Variants in TMEM163 observed in about 807,000 individuals in gnomAD.
The protein encoded by TMEM163 is transmembrane protein 163.
TMEM163 carries 17 observed loss-of-function variants against 29.3 expected under a neutral mutation model. That is an observed-to-expected ratio of 0.58 (90% CI 0.40 to 0.87). The LOEUF (loss-of-function observed/expected upper bound fraction) is 0.87, where lower values mean the gene tolerates loss of function less well. TMEM163 is among the 40% of genes least tolerant of loss of function. TMEM163 has a pLI of 0.00. For synonymous variants in TMEM163, 157 were observed against 160.6 expected (o/e 0.98, Z 0.17); for missense variants, 303 against 381.5 (o/e 0.79, Z 1.71).
intron 2 of TMEM163, among the ~76,000 whole-genome samples, chr2:134,661,925 CTTTCTTTTTTTT>C (rs1683760882): frequency 2.5e-5 from 2 of 79,064 alleles, no homozygotes; most frequent in South Asian, 3.5e-4. Context: ...CATTAATTTT[CTTTCTTTTTTTT>C]TTTTTTTTTT....
In TMEM163 at chr2:134,542,414, C is replaced by T. The variant is rs1680695434; in HGVS notation, c.458+8156G>A. 3.3e-5 allele frequency among the ~76,000 whole-genome samples: 5 copies of T among 152,118 alleles called. No individual in the cohort carries two copies. In the South Asian group the frequency reaches 8.3e-4, roughly 25 times the overall value. On this transcript the variant is annotated intron_variant, in intron 4 of 7. Coordinates refer to ENST00000281924, the MANE Select transcript of TMEM163 (RefSeq NM_030923.5). Reference sequence around the variant, plus strand: ...TTCTCAGGACCACATTAGCTTCGTACGGCTGCCACAATACAGCACTACAAA... The same window carrying T: ...TTCTCAGGACCACATTAGCTTCGTATGGCTGCCACAATACAGCACTACAAA...
At chr2:134,708,529 T>C (rs1684864854) in intron 2 of TMEM163, among the ~76,000 whole-genome samples, 3 of 152,012 alleles carry the variant, frequency 2.0e-5, no homozygotes, top group Middle Eastern at 6.8e-3. Context: ...TTTCTAGTTC[T>C]TAAATCTACA....
At chr2:134,676,489 T>A (rs1176751844) in intron 2 of TMEM163, among the ~76,000 whole-genome samples, 5 of 152,182 alleles carry the variant, frequency 3.3e-5, no homozygotes, top group African/African-American at 1.2e-4. Context: ...TTTTTTAACA[T>A]CTTTATTGAT....
At chr2:134,597,426 G>C (rs1682112014) in intron 2 of TMEM163, among the ~76,000 whole-genome samples, 3 of 152,134 alleles carry the variant, frequency 2.0e-5, no homozygotes, top group South Asian at 4.1e-4. Flanking sequence ...TTTTTGATTT[G>C]CGTATGTTGA....
chr2:134,601,671 C>T (rs1019441038), intron 2 of TMEM163, among the ~76,000 whole-genome samples: 4 of 152,106 alleles, frequency 2.6e-5, no homozygotes, highest in African/African-American at 9.7e-5. Context: ...TGTATGCAGC[C>T]GGCACTGTGT....
At position 134,718,741 on chromosome 2, in the gene TMEM163, C is replaced by G; in HGVS notation, c.195G>C (p.Glu65Asp). 8.7e-7 allele frequency: 1 copy of G among 1,155,736 alleles called. No homozygotes were observed. The highest frequency in any genetic ancestry group is 1.1e-6 in the Non-Finnish European group (1 of 939,474). The allele number at this position is 1,155,736 out of a possible 1,614,324, so 71.6% of individuals were successfully genotyped here. The stretch of plus-strand genomic sequence containing the variant: ...CGGGCAGCTCGCGCTCACCTCGGTC[C>G]TCCAGCCCGTCGCTGAACTGGCCGC... ...SESGQFSDGL[E>D]DRGLLESSTR... is the part of the protein sequence containing the mutation. The change falls in exon 1 of 8, where the codon GAG becomes GAC. Residue 65 changes from glutamate to aspartate, a missense_variant. Coordinates refer to ENST00000281924, the MANE Select transcript of TMEM163 (RefSeq NM_030923.5).
chr2:134,490,435 T>C (rs974056519), intron 5 of TMEM163, among the ~76,000 whole-genome samples: 8 of 152,096 alleles, frequency 5.3e-5, no homozygotes, highest in African/African-American at 1.9e-4. Flanking sequence ...CAACTGACCT[T>C]CACAAGCACC....
At chr2:134,616,953 TAAGG>T (rs942331185) in intron 2 of TMEM163, among the ~76,000 whole-genome samples, 17 of 152,158 alleles carry the variant, frequency 1.1e-4, no homozygotes, top group Non-Finnish European at 1.2e-4. Flanking sequence ...AAGGGAAGCT[TAAGG>T]AAAATGACTC....
At chr2:134,638,536 C>A (rs1395268762) in intron 2 of TMEM163, among the ~76,000 whole-genome samples, 1 of 152,076 alleles carries the variant, frequency 6.6e-6, no homozygotes, top group African/African-American at 2.4e-5. Context: ...GGAGAAAGAC[C>A]ATTTAGGAGG....
intron 5 of TMEM163, among the ~76,000 whole-genome samples, chr2:134,474,019 G>A (rs1840412): frequency 0.22 from 34,138 of 152,054 alleles, 7,793 homozygotes; most frequent in African/African-American, 0.56. Context: ...ATTTATTTCT[G>A]AGGCCAGCAT....
intron 4 of TMEM163, among the ~76,000 whole-genome samples, chr2:134,544,156 A>C (rs1356288310): frequency 2.6e-5 from 4 of 152,136 alleles, no homozygotes; most frequent in Non-Finnish European, 5.9e-5. Flanking sequence ...TGTGGCAAGC[A>C]TCCCATGGCC....
intron 4 of TMEM163, among the ~76,000 whole-genome samples, chr2:134,515,802 A>G (rs1282820362): frequency 6.6e-6 from 1 of 152,242 alleles, no homozygotes; most frequent in African/African-American, 2.4e-5. Context: ...CACTAAAGTA[A>G]TAATAGTAAG....
At chr2:134,481,798 A>G (rs1392574968) in intron 5 of TMEM163, among the ~76,000 whole-genome samples, 2 of 152,160 alleles carry the variant, frequency 1.3e-5, no homozygotes, top group Non-Finnish European at 2.9e-5. Context: ...TCAGAGTGAC[A>G]TGAGCTGAGA....
At position 134,567,944 on chromosome 2, in the gene TMEM163, C is replaced by T. The variant is rs1005767280; in HGVS notation, c.323-15853G>A. ...AAGGTCCACTTGGCTATATCGTCTC[C>T]TCTGTTAGGGGCTGAAAACCTATGT... On this transcript the variant is annotated intron_variant, in intron 2 of 7. Coordinates refer to ENST00000281924, the MANE Select transcript of TMEM163 (RefSeq NM_030923.5). 6.6e-5 allele frequency among the ~76,000 whole-genome samples: 10 copies of T among 152,210 alleles called. 1 individual carries two copies. Among genetic ancestry groups the T allele is most frequent in the Admixed American group, 4.6e-4 (7 of 15,284 alleles).
At chr2:134,575,256 A>G (rs915819227) in intron 2 of TMEM163, among the ~76,000 whole-genome samples, 6 of 152,240 alleles carry the variant, frequency 3.9e-5, no homozygotes, top group African/African-American at 1.4e-4. Flanking sequence ...TTGATTTTTC[A>G]TCTACAGAAT....
chr2:134,517,693 C>T (rs887570713), intron 4 of TMEM163, among the ~76,000 whole-genome samples: 1 of 152,202 alleles, frequency 6.6e-6, no homozygotes, highest in Non-Finnish European at 1.5e-5. Flanking sequence ...AAGTTAGCCA[C>T]TTTGACTTAA....
At chr2:134,668,991 C>T (rs1176367819) in intron 2 of TMEM163, among the ~76,000 whole-genome samples, 2 of 152,030 alleles carry the variant, frequency 1.3e-5, no homozygotes, top group Non-Finnish European at 2.9e-5. Flanking sequence ...TGAAAGAGAC[C>T]ACCGCCAAGG....
intron 2 of TMEM163, among the ~76,000 whole-genome samples, chr2:134,618,861 G>A (rs541682333): frequency 1.3e-3 from 193 of 152,214 alleles, no homozygotes; most frequent in Non-Finnish European, 2.2e-3. Context: ...CATGCTTAGA[G>A]GGAAATCTAT....
intron 6 of TMEM163, 60 bp downstream of exon 6, chr2:134,466,054 C>G: frequency 2.4e-6 from 3 of 1,260,462 alleles, no homozygotes; most frequent in South Asian, 2.6e-5. Flanking sequence ...GAGACCCAAA[C>G]AGCATCTTCC....
Sources: allele counts gnomAD v4.1 joint callset (sites outside exome capture counted in the v4.1 genomes callset), GRCh38; gene constraint gnomAD v4.1.1; transcripts MANE v1.5; gene names NCBI Gene and HGNC (gene_info 2026-07-23, HGNC 2026-07-21).